Variants in SIN3A observed in about 807,000 individuals in gnomAD.
SIN3A encodes SIN3 transcription regulator family member A, also known as paired amphipathic helix protein Sin3a.
Under a neutral mutation model 146.1 loss-of-function variants are expected in SIN3A, and 14 were observed. The observed-to-expected ratio is 0.10, with a 90% CI of 0.06 to 0.15. The LOEUF (loss-of-function observed/expected upper bound fraction) is 0.15. SIN3A is among the 10% of genes least tolerant of loss of function. SIN3A has a pLI of 1.00. For synonymous variants in SIN3A, 572 were observed against 572.0 expected (o/e 1.00, Z 0.00); for missense variants, 1,028 against 1,576.0 (o/e 0.65, Z 5.89).
At chr15:75,377,268 G>A (rs1046248018) in intron 19 of SIN3A, among the ~76,000 whole-genome samples, 1 of 152,084 alleles carries the variant, frequency 6.6e-6, no homozygotes, top group African/African-American at 2.4e-5. Context: ...TGCAATTCAA[G>A]TCTTTGAACT....
chr15:75,437,583 A>G (rs772311936), intron 1 of SIN3A, among the ~76,000 whole-genome samples: 2 of 152,192 alleles, frequency 1.3e-5, no homozygotes, highest in South Asian at 4.1e-4. Flanking sequence ...TGAACAATCT[A>G]AAGTAGAAAC....
At chr15:75,454,907 G>A (rs986637265), upstream of SIN3A, 2 of 152,344 alleles carry the variant, frequency 1.3e-5, no homozygotes, top group East Asian at 3.9e-4. Context: ...ACCGATGCGA[G>A]CTCCTTGCTG....
intron 1 of SIN3A, among the ~76,000 whole-genome samples, chr15:75,443,264 G>A (rs905292586): frequency 2.0e-5 from 3 of 152,156 alleles, no homozygotes; most frequent in Non-Finnish European, 4.4e-5. Flanking sequence ...ATAGGAGGAA[G>A]ATGAAAAACT....
intron 4 of SIN3A, 48 bp from the exon 5 acceptor site, chr15:75,413,093 AC>A: frequency 6.6e-7 from 1 of 1,525,702 alleles, no homozygotes; most frequent in Non-Finnish European, 8.8e-7. Flanking sequence ...CTTAACAAAC[AC>A]CCTGTTAAGA....
At chr15:75,382,731 G>T (rs1195143462) in intron 17 of SIN3A, among the ~76,000 whole-genome samples, 1 of 152,148 alleles carries the variant, frequency 6.6e-6, no homozygotes, top group East Asian at 1.9e-4. Flanking sequence ...CAGATCACTT[G>T]AGGCCAGGAG....
chr15:75,402,291 C>T (rs1220819841), intron 9 of SIN3A, among the ~76,000 whole-genome samples: 1 of 152,130 alleles, frequency 6.6e-6, no homozygotes, highest in Admixed American at 6.5e-5. Context: ...GTGGGTGGAT[C>T]ACTGGAGGCC....
At chr15:75,454,133 T>G (rs972366403), upstream of SIN3A, among the ~76,000 whole-genome samples, 4 of 150,640 alleles carry the variant, frequency 2.7e-5, no homozygotes, top group African/African-American at 9.8e-5. Context: ...CCTCACGTCA[T>G]CCGCAAGAAC....
intron 3 of SIN3A, 127 bp downstream of exon 3, chr15:75,422,520 G>A (rs750909508): frequency 1.6e-5 from 18 of 1,104,414 alleles, no homozygotes; most frequent in South Asian, 5.0e-5. Context: ...AAACAAAAAC[G>A]GTAAAACTTG....
At chr15:75,443,806 G>A (rs911810437) in intron 1 of SIN3A, 1 of 152,238 alleles carries the variant, frequency 6.6e-6, no homozygotes, top group South Asian at 2.1e-4. Flanking sequence ...AGCTACCGAG[G>A]ATGCTTAGGA....
intron 2 of SIN3A, among the ~76,000 whole-genome samples, chr15:75,429,189 T>G (rs4327014): frequency 0.62 from 93,716 of 151,906 alleles, 30,652 homozygotes; most frequent in African/African-American, 0.85. Context: ...GGAGGCTGGC[T>G]GGGGGAGGAT....
At chr15:75,374,336 A>G (rs1488614306) in intron 20 of SIN3A, among the ~76,000 whole-genome samples, 3 of 152,246 alleles carry the variant, frequency 2.0e-5, no homozygotes, top group Non-Finnish European at 1.5e-5. Context: ...TCTACTAAAA[A>G]TACAAAAAAT....
intron 17 of SIN3A, 80 bp downstream of exon 17, chr15:75,384,184 G>T (rs772766002): frequency 8.4e-7 from 1 of 1,184,682 alleles, no homozygotes; most frequent in African/African-American, 1.6e-5. Context: ...AAAGTACCCC[G>T]GCTTTAACTT....
chr15:75,423,963 C>T (rs1191284989), intron 2 of SIN3A, among the ~76,000 whole-genome samples: 1 of 151,932 alleles, frequency 6.6e-6, no homozygotes, highest in Non-Finnish European at 1.5e-5. Flanking sequence ...CCACTGCATT[C>T]CAGCCTAGAA....
At chr15:75,396,630 CTG>C in intron 12 of SIN3A, 134 bp from the exon 13 acceptor site, 1 of 642,492 alleles carries the variant, frequency 1.6e-6, no homozygotes, top group Non-Finnish European at 2.7e-6. Flanking sequence ...CTACATAAGA[CTG>C]TTTCTTTATC....
intron 12 of SIN3A, among the ~76,000 whole-genome samples, chr15:75,397,748 T>A (rs2073331775): frequency 6.6e-6 from 1 of 152,196 alleles, no homozygotes. Context: ...TTTGCCCTTG[T>A]AGTCACAAAT....
chr15:75,431,238 A>G (rs559700659), intron 1 of SIN3A, among the ~76,000 whole-genome samples: 15 of 152,362 alleles, frequency 9.8e-5, no homozygotes, highest in African/African-American at 3.6e-4. Flanking sequence ...CGTAACTTCA[A>G]CAAGTTCCTC....
intron 1 of SIN3A, among the ~76,000 whole-genome samples, chr15:75,433,132 T>C (rs766976921): frequency 1.3e-5 from 2 of 152,148 alleles, no homozygotes; most frequent in East Asian, 1.9e-4. Context: ...CTAGAGTACC[T>C]TTTAAGAACT....
intron 9 of SIN3A, among the ~76,000 whole-genome samples, chr15:75,404,441 T>C (rs1209558343): frequency 1.3e-5 from 2 of 152,156 alleles, no homozygotes; most frequent in South Asian, 2.1e-4. Context: ...ATATAGTATA[T>C]ATGTTTAAGA....
At chr15:75,402,793 C>A (rs933268782) in intron 9 of SIN3A, among the ~76,000 whole-genome samples, 50 of 152,076 alleles carry the variant, frequency 3.3e-4, no homozygotes, top group African/African-American at 1.1e-3. Flanking sequence ...TGCTACTACA[C>A]CCGGATAATT....
Sources: gnomAD v4.1 joint callset for allele counts (sites outside exome capture counted in the v4.1 genomes callset) on GRCh38, gnomAD v4.1.1 for gene constraint, MANE v1.5 for transcripts, NCBI Gene and HGNC (gene_info 2026-07-23, HGNC 2026-07-21) for gene names.